TFDP2: variants seen among roughly 807,000 people sequenced by gnomAD.
The protein encoded by TFDP2 is transcription factor Dp-2 (E2F dimerization partner 2).
TFDP2 carries 17 observed loss-of-function variants against 59.3 expected under a neutral mutation model. That is an observed-to-expected ratio of 0.29 (90% CI 0.20 to 0.43). TFDP2 has a LOEUF of 0.43. TFDP2 is among the 20% of genes least tolerant of loss of function. TFDP2 has a pLI of 1.00. For missense variants in TFDP2, 391 were observed against 528.8 expected (o/e 0.74, Z 2.56); for synonymous variants, 180 against 194.7 (o/e 0.92, Z 0.63).
chr3:142,133,431 C>G (rs772403129), intron 1 of TFDP2, among the ~76,000 whole-genome samples: 1 of 149,704 alleles, frequency 6.7e-6, no homozygotes, highest in Non-Finnish European at 1.5e-5. Context: ...GTCTCATACT[C>G]CTGGGCTCAA....
intron 3 of TFDP2, among the ~76,000 whole-genome samples, chr3:142,065,846 C>T (rs1317295794): frequency 6.6e-6 from 1 of 151,746 alleles, no homozygotes; most frequent in African/African-American, 2.4e-5. Context: ...ATACCTATTA[C>T]TCAAAATAAT....
chr3:141,995,153 G>A lies in TFDP2; in HGVS notation c.187-12C>T. The A allele has an allele frequency of 6.4e-7, 1 of 1,558,412 alleles. No individual in the cohort carries two copies. ...GGTGTGCTTATAATCTGTAAAGTTA[G>A]GAACAAAGAATATAATATTCTTAAT... is the stretch of plus-strand genomic sequence containing the variant. On this transcript the variant is annotated splice_polypyrimidine_tract_variant and intron_variant, in intron 4 of 12. Transcript: ENST00000489671.
intron 9 of TFDP2, among the ~76,000 whole-genome samples, chr3:141,969,112 TATG>T (rs1431454314): frequency 1.1e-5 from 1 of 88,084 alleles, no homozygotes; most frequent in Admixed American, 1.5e-4. Flanking sequence ...ATCTCATATA[TATG>T]AGATATATAT....
chr3:142,059,641 G>A (rs1396232212), intron 3 of TFDP2, among the ~76,000 whole-genome samples: 1 of 152,082 alleles, frequency 6.6e-6, no homozygotes, highest in African/African-American at 2.4e-5. Context: ...GTGCAATGGT[G>A]TAATCTCGGC....
chr3:141,993,244 G>C (rs1942958506), intron 6 of TFDP2, among the ~76,000 whole-genome samples: 2 of 151,900 alleles, frequency 1.3e-5, no homozygotes, highest in Admixed American at 1.3e-4. Context: ...GGGCATGTTA[G>C]GGTAATGTGG....
chr3:142,097,062 T>C (rs1435283288), intron 2 of TFDP2, among the ~76,000 whole-genome samples: 1 of 152,202 alleles, frequency 6.6e-6, no homozygotes, highest in African/African-American at 2.4e-5. Context: ...ACATACAGAA[T>C]GTTAGTTTAC....
At chr3:141,981,115 C>CT (rs1438120253) in intron 6 of TFDP2, among the ~76,000 whole-genome samples, 59 of 152,104 alleles carry the variant, frequency 3.9e-4, no homozygotes, top group African/African-American at 1.4e-3. Flanking sequence ...GAAAAGTGCA[C>CT]TATAAAGGTG....
intron 3 of TFDP2, among the ~76,000 whole-genome samples, chr3:142,026,906 T>C (rs988326637): frequency 2.0e-5 from 3 of 152,208 alleles, no homozygotes; most frequent in Non-Finnish European, 4.4e-5. Context: ...CTGCAACATA[T>C]CATTTCAATT....
At chr3:141,973,710 A>G (rs1326077428) in intron 8 of TFDP2, among the ~76,000 whole-genome samples, 1 of 148,596 alleles carries the variant, frequency 6.7e-6, no homozygotes, top group East Asian at 2.0e-4. Flanking sequence ...TTGGATACAT[A>G]CAGCAAGCAT....
rs890454782 is a variant in TFDP2, at chr3:142,132,262, A to G, written c.-93+16921T>C. 4.0e-5 allele frequency among the ~76,000 whole-genome samples: 6 copies of G among 150,190 alleles called. 1 individual carries two copies. The highest frequency in any genetic ancestry group is 1.5e-4 in the African/African-American group (6 of 39,646). On this transcript the variant is annotated intron_variant, in intron 1 of 12. Coordinates refer to ENST00000489671, the MANE Select transcript of TFDP2 (RefSeq NM_001178139.2). Reference sequence around the variant, plus strand: ...TGAAATATTCAGAATAGGCAAATCCATAGACTCAGAACATAGATTAGTAGT... The same window carrying G: ...TGAAATATTCAGAATAGGCAAATCCGTAGACTCAGAACATAGATTAGTAGT...
intron 11 of TFDP2, among the ~76,000 whole-genome samples, chr3:141,957,551 G>C (rs1936843520): frequency 6.6e-6 from 1 of 152,026 alleles, no homozygotes; most frequent in African/African-American, 2.4e-5. Context: ...TAGCCAAAAA[G>C]TGGAAACAGT....
intron 3 of TFDP2, among the ~76,000 whole-genome samples, chr3:142,033,981 TC>T: frequency 6.6e-6 from 1 of 152,286 alleles, no homozygotes; most frequent in East Asian, 1.9e-4. Context: ...CAGAGATTGT[TC>T]CCTTCTAACT....
intron 1 of TFDP2, among the ~76,000 whole-genome samples, chr3:142,103,401 T>C (rs912444395): frequency 7.2e-5 from 11 of 152,142 alleles, no homozygotes; most frequent in Non-Finnish European, 1.3e-4. Flanking sequence ...GATAATAGTA[T>C]TGTTTCAATG....
chr3:141,977,435 A>T (rs994266802), intron 7 of TFDP2, among the ~76,000 whole-genome samples: 67 of 150,626 alleles, frequency 4.4e-4, no homozygotes, highest in Non-Finnish European at 8.9e-4. Context: ...AAAGAAATAA[A>T]TTTTTTTTCT....
At chr3:142,114,306 A>T (rs565547091) in intron 1 of TFDP2, among the ~76,000 whole-genome samples, 28 of 152,362 alleles carry the variant, frequency 1.8e-4, no homozygotes, top group African/African-American at 6.5e-4. Flanking sequence ...CCATCATATC[A>T]TAAAAAGACA....
intron 1 of TFDP2, among the ~76,000 whole-genome samples, chr3:142,129,722 G>C (rs2062422805): frequency 6.6e-6 from 1 of 150,960 alleles, no homozygotes. Flanking sequence ...TGTGGTCCCA[G>C]TTACTCAGCA....
At chr3:141,981,783 CTGAGAGGGTA>C (rs1371670140) in intron 6 of TFDP2, among the ~76,000 whole-genome samples, 1 of 152,148 alleles carries the variant, frequency 6.6e-6, no homozygotes, top group Admixed American at 6.5e-5. Context: ...CAAAGACCAA[CTGAGAGGGTA>C]TTGCAATAGT....
At chr3:141,978,243 G>A (rs1281650509) in intron 7 of TFDP2, among the ~76,000 whole-genome samples, 1 of 151,470 alleles carries the variant, frequency 6.6e-6, no homozygotes, top group Non-Finnish European at 1.5e-5. Flanking sequence ...TACGCGGGAG[G>A]CTGAGTCACA....
chr3:142,107,611 C>T (rs1560151198), intron 1 of TFDP2, among the ~76,000 whole-genome samples: 1 of 152,086 alleles, frequency 6.6e-6, no homozygotes, highest in Non-Finnish European at 1.5e-5. Flanking sequence ...CTCTCAAGTG[C>T]TTCACATGTA....
Sources: allele counts gnomAD v4.1 joint callset (sites outside exome capture counted in the v4.1 genomes callset), GRCh38; gene constraint gnomAD v4.1.1; transcripts MANE v1.5; gene names NCBI Gene and HGNC (gene_info 2026-07-23, HGNC 2026-07-21).